The following MGST2 variants were observed in gnomAD, a reference collection of about 807,000 sequenced individuals.
MGST2 encodes the protein microsomal glutathione S-transferase 2, also known as glutathione peroxidase MGST2.
MGST2 carries 9 observed loss-of-function variants against 16.6 expected under a neutral mutation model. That is an observed-to-expected ratio of 0.54 (90% confidence interval 0.33 to 0.95). MGST2 has a LOEUF of 0.95. Ranked by LOEUF, MGST2 falls within the 40% of genes least tolerant of loss-of-function variation. The probability of loss-of-function intolerance (pLI) is 0.03; values close to 1 mark genes in which losing one functional copy is unlikely to be tolerated. For missense variants in MGST2, 159 were observed against 175.1 expected (o/e 0.91, Z 0.52); for synonymous variants, 79 against 68.0 (o/e 1.16, Z -0.79).
At chr4:139,679,459 T>C (rs1214632822) in intron 2 of MGST2, among the ~76,000 whole-genome samples, 1 of 152,250 alleles carries the variant, frequency 6.6e-6, no homozygotes, top group African/African-American at 2.4e-5. Context: ...CAGATAATTT[T>C]AATAAGGTTG....
downstream of MGST2, among the ~76,000 whole-genome samples, chr4:139,704,631 G>A (rs1727446723): frequency 6.6e-6 from 1 of 152,130 alleles, no homozygotes; most frequent in Admixed American, 6.5e-5. Flanking sequence ...AAACAAAACA[G>A]GTTATAGAAG....
chr4:139,666,115 T>C (rs779345617), intron 1 of MGST2, 38 bp downstream of exon 1: 5 of 1,298,250 alleles, frequency 3.9e-6, no homozygotes, highest in African/African-American at 3.7e-5. Context: ...TGCGCGTGTG[T>C]GCGTGTGTGT....
chr4:139,723,692 AAAT>A (rs1019615016), intron 5 of MGST2, among the ~76,000 whole-genome samples: 3 of 152,312 alleles, frequency 2.0e-5, no homozygotes, highest in African/African-American at 7.2e-5. Flanking sequence ...GGGAATTATT[AAAT>A]AATTCCCCTT....
At chr4:139,709,933 G>C (rs147029395) in intron 5 of MGST2, among the ~76,000 whole-genome samples, 168 of 152,354 alleles carry the variant, frequency 1.1e-3, no homozygotes, top group Middle Eastern at 3.4e-3. Context: ...GAGGACACTA[G>C]TGGAGGAATT....
chr4:139,671,450 T>C (rs565528611), intron 1 of MGST2, among the ~76,000 whole-genome samples: 2 of 152,160 alleles, frequency 1.3e-5, no homozygotes, highest in Non-Finnish European at 2.9e-5. Flanking sequence ...CACCCCACTG[T>C]CATCATATAT....
chr4:139,727,145 CT>C (rs2110977235), intron 5 of MGST2, among the ~76,000 whole-genome samples: 1 of 152,260 alleles, frequency 6.6e-6, no homozygotes, highest in African/African-American at 2.4e-5. Context: ...CTATAATTTT[CT>C]TTTCTTTTTC....
downstream of MGST2, among the ~76,000 whole-genome samples, chr4:139,742,043 C>T (rs1053096773): frequency 2.0e-5 from 3 of 152,108 alleles, no homozygotes; most frequent in Admixed American, 6.5e-5. Flanking sequence ...AGGTCTAACA[C>T]AGCCCTTGAC....
chr4:139,695,829 A>C (rs8192100), intron 3 of MGST2, among the ~76,000 whole-genome samples: 18,274 of 152,220 alleles, frequency 0.12, 1,144 homozygotes, highest in Non-Finnish European at 0.14. Context: ...TTGTCTTCAA[A>C]TCTAATAATC....
chr4:139,730,371 G>A, intron 5 of MGST2: 1 of 1,523,470 alleles, frequency 6.6e-7, no homozygotes, highest in Non-Finnish European at 8.9e-7. Context: ...TGCTGAATAA[G>A]TGCTTGCTGA....
chr4:139,744,588 A>C (rs1306831633), downstream of MGST2, among the ~76,000 whole-genome samples: 2 of 152,284 alleles, frequency 1.3e-5, no homozygotes, highest in South Asian at 4.1e-4. Context: ...TTTCAATTTG[A>C]ATATGCATCC....
intron 3 of MGST2, among the ~76,000 whole-genome samples, chr4:139,701,202 G>C (rs1727230681): frequency 6.6e-6 from 1 of 152,188 alleles, no homozygotes; most frequent in Non-Finnish European, 1.5e-5. Flanking sequence ...AGAAAGGATT[G>C]CTTGAGTATC....
chr4:139,711,042 C>A (rs1727720293), intron 5 of MGST2, among the ~76,000 whole-genome samples: 1 of 149,860 alleles, frequency 6.7e-6, no homozygotes, highest in Non-Finnish European at 1.5e-5. Flanking sequence ...GAGACAGGGT[C>A]TCTCTCTGTC....
chr4:139,722,101 G>A (rs1471321162), intron 5 of MGST2, among the ~76,000 whole-genome samples: 1 of 152,150 alleles, frequency 6.6e-6, no homozygotes, highest in African/African-American at 2.4e-5. Flanking sequence ...TAATGGATAT[G>A]GTAAAGGACT....
chr4:139,747,867 G>C, the MGST2 span, among the ~76,000 whole-genome samples: 4 of 150,924 alleles, frequency 2.7e-5, no homozygotes, highest in East Asian at 2.0e-4. Flanking sequence ...AAGCCTGATC[G>C]ATACAGTGAA....
chr4:139,674,381 C>T (rs1001423627), intron 1 of MGST2, among the ~76,000 whole-genome samples: 1 of 151,936 alleles, frequency 6.6e-6, no homozygotes, highest in Non-Finnish European at 1.5e-5. Flanking sequence ...GTATTTGTCT[C>T]AAGTGAGCAG....
At chr4:139,750,384 C>T in the MGST2 span, among the ~76,000 whole-genome samples, 1 of 152,188 alleles carries the variant, frequency 6.6e-6, no homozygotes, top group South Asian at 2.1e-4. Flanking sequence ...GGTCGTGAGT[C>T]CTCCTTCTGA....
downstream of MGST2, among the ~76,000 whole-genome samples, chr4:139,707,184 A>T (rs1239391885): frequency 6.6e-6 from 1 of 152,022 alleles, no homozygotes; most frequent in East Asian, 1.9e-4. Flanking sequence ...TATATCTCCT[A>T]ATGCTATACC....
intron 2 of MGST2, among the ~76,000 whole-genome samples, chr4:139,692,004 T>G (rs1339041544): frequency 1.3e-5 from 2 of 152,130 alleles, no homozygotes; most frequent in Non-Finnish European, 2.9e-5. Flanking sequence ...CCAGCAATTA[T>G]TTTCAATCTC....
intron 2 of MGST2, among the ~76,000 whole-genome samples, chr4:139,691,676 G>GATT (rs1560747720): frequency 1.5e-5 from 2 of 135,118 alleles, no homozygotes; most frequent in East Asian, 4.0e-4. Context: ...AGATGATGAT[G>GATT]ATGATGATGA....
Sources: allele counts gnomAD v4.1 joint callset (sites outside exome capture counted in the v4.1 genomes callset), GRCh38; gene constraint gnomAD v4.1.1; transcripts MANE v1.5; gene names NCBI Gene and HGNC (gene_info 2026-07-23, HGNC 2026-07-21).